Variants in SH3BP5 observed in about 807,000 individuals in gnomAD.
SH3BP5 encodes SH3 domain binding protein 5.
A neutral mutation model predicts 43.3 loss-of-function variants in SH3BP5; 22 were observed. The ratio of observed to expected loss-of-function variants is 0.51; its 90% CI spans 0.36 to 0.73. The LOEUF is 0.73. SH3BP5 is among the 30% of genes least tolerant of loss of function. SH3BP5 has a pLI of 0.00. For synonymous variants in SH3BP5, 255 were observed against 225.8 expected, an observed-to-expected ratio of 1.13 and a Z score of -1.16; for missense variants, 529 against 586.9, an observed-to-expected ratio of 0.90 and a Z score of 1.02.
chr3:15,291,197 T>C (rs1234217488), intron 3 of SH3BP5, among the ~76,000 whole-genome samples: 2 of 152,236 alleles, frequency 1.3e-5, no homozygotes, highest in Non-Finnish European at 2.9e-5. Context: ...GCATGCTTTT[T>C]AGTATCACTC....
intron 5 of SH3BP5, among the ~76,000 whole-genome samples, chr3:15,261,184 C>A (rs565272737): frequency 3.3e-5 from 5 of 152,274 alleles, no homozygotes; most frequent in African/African-American, 1.2e-4. Context: ...CCTGACACAC[C>A]AAAAACCAAA....
chr3:15,294,337 G>GCGCGCA (rs1553616724), intron 3 of SH3BP5, among the ~76,000 whole-genome samples: 6 of 150,558 alleles, frequency 4.0e-5, no homozygotes, highest in African/African-American at 1.5e-4. Context: ...GTGTGCGCGC[G>GCGCGCA]CATGTTTACG....
At position 15,259,067 on chromosome 3, in the gene SH3BP5, G is replaced by A. The variant is rs1261126500; in HGVS notation, c.670-17C>T. On this transcript the variant is annotated splice_polypyrimidine_tract_variant and intron_variant, in intron 6 of 8. Transcript: ENST00000383791. ...TTTCAGTTGCTGATCAAGAGAACAG[G>A]AGACTAAGTGAAGACTACCCTGCTA... 6 of 1,599,668 alleles carry A rather than the reference G, an allele frequency of 3.8e-6. No homozygotes were observed. The African/African-American group carries it at 4.0e-5, about 11-fold the overall frequency.
intron 2 of SH3BP5, among the ~76,000 whole-genome samples, chr3:15,310,001 A>G (rs1309619867): frequency 6.8e-6 from 1 of 147,220 alleles, no homozygotes. Flanking sequence ...TTGAGGTATG[A>G]GAGGCCACAA....
chr3:15,265,612 GGAA>G (rs1696617994), intron 4 of SH3BP5, among the ~76,000 whole-genome samples: 2 of 150,004 alleles, frequency 1.3e-5, no homozygotes, highest in Admixed American at 1.3e-4. Context: ...CCTGCCTTGA[GGAA>G]GAAGGTCACT....
chr3:15,306,357 TCAAA>T lies in SH3BP5; in HGVS notation c.202-2130_202-2127del, dbSNP rs760642070. Among the ~76,000 whole-genome samples, 13 of 151,596 alleles carry T rather than the reference TCAAA, an allele frequency of 8.6e-5. No individual in the cohort carries two copies. In the South Asian group the frequency reaches 2.7e-3, roughly 32 times the overall value. On this transcript the variant is annotated intron_variant, in intron 2 of 8. Coordinates refer to ENST00000383791, the MANE Select transcript of SH3BP5 (RefSeq NM_004844.5). ...CTGGGAGACAGAGCGAGACTCCGTC[TCAAA>T]CAAACAAACAAAAAACTAGCTGGGC...
intron 7 of SH3BP5, chr3:15,258,483 G>T (rs1340354188): frequency 1.9e-5 from 6 of 308,256 alleles, no homozygotes; most frequent in Admixed American, 4.8e-5. Context: ...CCCACATCAT[G>T]CCTTAGTAAT....
chr3:15,280,855 C>T (rs1351930641), intron 3 of SH3BP5, among the ~76,000 whole-genome samples: 1 of 152,220 alleles, frequency 6.6e-6, no homozygotes, highest in African/African-American at 2.4e-5. Context: ...ACACCAGCAT[C>T]TCTTAAGACA....
In SH3BP5 at chr3:15,332,513, G is replaced by A; in HGVS notation, c.-105C>T. ...CGCCTCGCCACAGCCGGGCACGGTC[G>A]GGGAGCCGCCGGGGCCGACACCCGG... On this transcript the variant is annotated 5_prime_UTR_variant, in exon 1 of 9. Transcript: ENST00000383791. 1.6e-6 allele frequency: 2 copies of A among 1,264,914 alleles called. No individual in the cohort carries two copies. Among genetic ancestry groups the A allele is most frequent in the Non-Finnish European group, 2.0e-6 (2 of 1,009,428 alleles). 78.4% of individuals were successfully genotyped at this position (1,264,914 alleles called of 1,614,324 possible).
At chr3:15,265,850 G>A (rs536766761) in intron 4 of SH3BP5, among the ~76,000 whole-genome samples, 1 of 151,514 alleles carries the variant, frequency 6.6e-6, no homozygotes, top group African/African-American at 2.4e-5. Context: ...GCTCAGCCCC[G>A]GACCCTGCTC....
intron 3 of SH3BP5, among the ~76,000 whole-genome samples, chr3:15,302,080 A>G (rs897805611): frequency 6.6e-6 from 1 of 152,166 alleles, no homozygotes; most frequent in African/African-American, 2.4e-5. Context: ...CAATGTTTAA[A>G]TTAAATCCTC....
chr3:15,257,026 G>A lies in SH3BP5; in HGVS notation c.977C>T (p.Ser326Leu), dbSNP rs1696232356. 4 of 1,614,066 alleles carry A rather than the reference G, an allele frequency of 2.5e-6. No individual in the cohort carries two copies. The highest frequency in any genetic ancestry group is 2.2e-5 in the East Asian group (1 of 44,896). Residue 326 changes from serine to leucine, a missense_variant, in exon 8 of 9, where the codon TCA becomes TTA. By Grantham distance (145) the Ser-to-Leu change is moderately radical. This residue lies in a region of SH3BP5 where 369 missense variants were observed against 384.3 expected (regional missense o/e 0.96). Transcript: ENST00000383791. ...SETQSVSSFSSGPTSPSEMPD... is the reference protein window; with the variant it reads ...SETQSVSSFSLGPTSPSEMPD... ...CATCTCAGACGGGCTTGTTGGTCCTGAACTAAAGCTGGACACGGACTGGGT... is the reference window on the plus strand; with the variant it reads ...CATCTCAGACGGGCTTGTTGGTCCTAAACTAAAGCTGGACACGGACTGGGT...
upstream of SH3BP5, among the ~76,000 whole-genome samples, chr3:15,334,254 G>A (rs529773441): frequency 2.6e-5 from 4 of 152,142 alleles, no homozygotes; most frequent in Non-Finnish European, 5.9e-5. Flanking sequence ...ATCTGGGCCA[G>A]CTATAGTGTT....
chr3:15,319,184 A>AT (rs905730555), intron 2 of SH3BP5, among the ~76,000 whole-genome samples: 1 of 152,184 alleles, frequency 6.6e-6, no homozygotes, highest in African/African-American at 2.4e-5. Context: ...CTCAGACAAA[A>AT]TTTTTAAGAA....
At chr3:15,335,990 C>A (rs535416425), upstream of SH3BP5, among the ~76,000 whole-genome samples, 10 of 151,934 alleles carry the variant, frequency 6.6e-5, no homozygotes, top group South Asian at 2.1e-3. Flanking sequence ...GCATACTGGT[C>A]AGGTATGGTG....
At chr3:15,334,961 A>T (rs112796489), upstream of SH3BP5, among the ~76,000 whole-genome samples, 2 of 151,714 alleles carry the variant, frequency 1.3e-5, no homozygotes, top group African/African-American at 4.8e-5. Flanking sequence ...AAATAAATAT[A>T]TATATATAAA....
chr3:15,293,010 G>GCAA (rs1027669507), intron 3 of SH3BP5, among the ~76,000 whole-genome samples: 1 of 152,226 alleles, frequency 6.6e-6, no homozygotes, highest in Non-Finnish European at 1.5e-5. Flanking sequence ...GTCAAAAGCT[G>GCAA]CAACACATCT....
intron 2 of SH3BP5, among the ~76,000 whole-genome samples, chr3:15,307,186 C>T (rs920624655): frequency 6.6e-6 from 1 of 152,178 alleles, no homozygotes; most frequent in African/African-American, 2.4e-5. Flanking sequence ...AGGCTTTGCC[C>T]CCTTTCCCCT....
At chr3:15,335,742 A>G (rs917008031), upstream of SH3BP5, among the ~76,000 whole-genome samples, 2 of 152,202 alleles carry the variant, frequency 1.3e-5, no homozygotes, top group African/African-American at 2.4e-5. Context: ...ACAACTGTAT[A>G]TATTCCCTAT....
Sources: gnomAD v4.1 joint callset for allele counts (sites outside exome capture counted in the v4.1 genomes callset) on GRCh38, gnomAD v4.1.1 for gene constraint, gnomAD v4.1.1 regional missense constraint, MANE v1.5 for transcripts, NCBI Gene and HGNC (gene_info 2026-07-23, HGNC 2026-07-21) for gene names.